Variants in IL1RAPL2 observed in about 807,000 individuals in gnomAD.
IL1RAPL2 encodes the protein interleukin 1 receptor accessory protein like 2, also known as X-linked interleukin-1 receptor accessory protein-like 2.
In IL1RAPL2, 3 loss-of-function variants were observed where a neutral mutation model predicts 44.1. That is an observed-to-expected ratio of 0.07 (90% CI 0.03 to 0.18). The LOEUF is 0.18. Ranked by LOEUF, IL1RAPL2 falls within the 10% of genes least tolerant of loss-of-function variation. The probability of loss-of-function intolerance (pLI) is 1.00; values close to 1 mark genes in which losing one functional copy is unlikely to be tolerated. For missense variants in IL1RAPL2, 391 were observed against 496.4 expected (o/e 0.79, Z 2.02); for synonymous variants, 181 against 178.8 (o/e 1.01, Z -0.10).
chrX:104,951,545 T>G (rs1925586481), intron 2 of IL1RAPL2, among the ~76,000 whole-genome samples: 2 of 112,571 alleles, frequency 1.8e-5, no homozygotes, highest in Admixed American at 1.9e-4. Flanking sequence ...AAATTGCAAA[T>G]AAAACCCATT....
At chrX:105,501,021 T>C (rs998077311) in intron 6 of IL1RAPL2, among the ~76,000 whole-genome samples, 88 of 112,101 alleles carry the variant, frequency 7.9e-4, no homozygotes, top group African/African-American at 2.7e-3. Context: ...CATTTGTTGA[T>C]ATGTATGTAT....
intron 2 of IL1RAPL2, among the ~76,000 whole-genome samples, chrX:104,748,118 A>G (rs142587646): frequency 1.3e-3 from 149 of 111,838 alleles, no homozygotes; most frequent in African/African-American, 4.6e-3. Context: ...GCAGGAAGGT[A>G]CAGAATCAAA....
intron 2 of IL1RAPL2, among the ~76,000 whole-genome samples, chrX:104,681,942 G>T (rs1019067344): frequency 8.9e-6 from 1 of 112,689 alleles, no homozygotes; most frequent in Non-Finnish European, 1.9e-5. Flanking sequence ...AAATATCTAA[G>T]TGAGGATTGT....
intron 2 of IL1RAPL2, among the ~76,000 whole-genome samples, chrX:104,715,444 G>T (rs1446076528): frequency 4.0e-5 from 4 of 100,490 alleles, no homozygotes; most frequent in Non-Finnish European, 8.1e-5. Context: ...ACCAGATCCT[G>T]GATTAGTTGA....
intron 5 of IL1RAPL2, among the ~76,000 whole-genome samples, chrX:105,457,113 C>G (rs1379112221): frequency 9.3e-6 from 1 of 108,065 alleles, no homozygotes; most frequent in Non-Finnish European, 1.9e-5. Flanking sequence ...CAGTTTCAAT[C>G]TACTTAAAAG....
chrX:105,450,248 G>A (rs2036010115), intron 5 of IL1RAPL2, among the ~76,000 whole-genome samples: 2 of 111,355 alleles, frequency 1.8e-5, no homozygotes, highest in Non-Finnish European at 3.8e-5. Context: ...CTGGGAGATG[G>A]GGGAGTGGTG....
chrX:104,657,389 A>T (rs1930289668), intron 1 of IL1RAPL2, among the ~76,000 whole-genome samples: 1 of 111,700 alleles, frequency 9.0e-6, no homozygotes, highest in Admixed American at 9.6e-5. Flanking sequence ...TACCTATTTA[A>T]TAAATAGTGC....
intron 5 of IL1RAPL2, among the ~76,000 whole-genome samples, chrX:105,421,254 T>C (rs1159491927): frequency 9.0e-6 from 1 of 111,281 alleles, no homozygotes; most frequent in Non-Finnish European, 1.9e-5. Context: ...ACAAAAGATT[T>C]CATTCTTTTG....
At chrX:105,508,516 G>A (rs1287368147) in intron 6 of IL1RAPL2, among the ~76,000 whole-genome samples, 2 of 109,798 alleles carry the variant, frequency 1.8e-5, no homozygotes, top group South Asian at 3.9e-4. Context: ...AATATCATAA[G>A]GTTTACCTCA....
At chrX:104,810,884 T>C (rs923526432) in intron 2 of IL1RAPL2, among the ~76,000 whole-genome samples, 17 of 112,470 alleles carry the variant, frequency 1.5e-4, no homozygotes, top group Admixed American at 5.6e-4. Context: ...CCCTTAGAAA[T>C]TTGTGTTGAG....
At chrX:105,032,064 C>T (rs191041396) in intron 2 of IL1RAPL2, among the ~76,000 whole-genome samples, 1 of 111,125 alleles carries the variant, frequency 9.0e-6, no homozygotes, top group Non-Finnish European at 1.9e-5. Context: ...TGTGGGATCG[C>T]TGGTGATATC....
At chrX:105,670,911 T>TAC (rs1569463906) in intron 6 of IL1RAPL2, among the ~76,000 whole-genome samples, 1 of 107,116 alleles carries the variant, frequency 9.3e-6, no homozygotes, top group Non-Finnish European at 1.9e-5. Flanking sequence ...TATATATATA[T>TAC]ACCATACATA....
chrX:105,365,483 T>A lies in IL1RAPL2; in HGVS notation c.697+97942T>A, dbSNP rs969551567. Among the ~76,000 whole-genome samples the A allele has an allele frequency of 5.4e-5, 6 of 111,415 alleles. No individual in the cohort carries two copies. The South Asian group carries it at 1.1e-3, about 21-fold the overall frequency. ...GAGTTTGAGAAAGATTGGTATTAGT[T>A]ATCTAAATATTTGGTAGAATTCAGC... is the stretch of plus-strand genomic sequence containing the variant. On this transcript the variant is annotated intron_variant, in intron 5 of 10. Transcript: ENST00000372582.
At chrX:105,587,696 T>C (rs955354933) in intron 6 of IL1RAPL2, among the ~76,000 whole-genome samples, 1 of 111,781 alleles carries the variant, frequency 8.9e-6, no homozygotes, top group Non-Finnish European at 1.9e-5. Context: ...TTTTTAGTAT[T>C]TTTACAATTC....
At chrX:104,885,718 C>G (rs775368564) in intron 2 of IL1RAPL2, among the ~76,000 whole-genome samples, 152 of 112,347 alleles carry the variant, frequency 1.4e-3, no homozygotes, top group African/African-American at 4.7e-3. Context: ...ACAAACAAAC[C>G]TTGGTGGCTC....
intron 2 of IL1RAPL2, among the ~76,000 whole-genome samples, chrX:105,129,014 A>G (rs1469653462): frequency 1.8e-5 from 2 of 111,076 alleles, no homozygotes; most frequent in Non-Finnish European, 3.8e-5. Context: ...TTTTTTCCAA[A>G]TCCAACTGAG....
chrX:105,179,954 A>T (rs992057321), intron 2 of IL1RAPL2, among the ~76,000 whole-genome samples: 1 of 110,307 alleles, frequency 9.1e-6, no homozygotes, highest in Non-Finnish European at 1.9e-5. Flanking sequence ...TTACTTCCTC[A>T]TTTCCAATTT....
At chrX:105,099,874 C>G (rs138971492) in intron 2 of IL1RAPL2, among the ~76,000 whole-genome samples, 2 of 110,422 alleles carry the variant, frequency 1.8e-5, no homozygotes, top group Non-Finnish European at 3.8e-5. Flanking sequence ...CACCTCCTAC[C>G]AGGTCCTACC....
At chrX:105,027,843 A>C (rs1284517283) in intron 2 of IL1RAPL2, among the ~76,000 whole-genome samples, 1 of 111,635 alleles carries the variant, frequency 9.0e-6, no homozygotes, top group Non-Finnish European at 1.9e-5. Context: ...ACCCAAAAGA[A>C]AGGAAATCAG....
Sources: gnomAD v4.1 joint callset for allele counts (sites outside exome capture counted in the v4.1 genomes callset) on GRCh38, gnomAD v4.1.1 for gene constraint, MANE v1.5 for transcripts, NCBI Gene and HGNC (gene_info 2026-07-23, HGNC 2026-07-21) for gene names.